GRM5: variants seen among roughly 807,000 people sequenced by gnomAD.
GRM5 encodes the protein glutamate metabotropic receptor 5.
A neutral mutation model predicts 83.1 loss-of-function variants in GRM5; 19 were observed. The observed-to-expected ratio is 0.23, with a 90% CI of 0.16 to 0.34. The LOEUF (loss-of-function observed/expected upper bound fraction) is 0.34. Ranked by LOEUF, GRM5 falls within the 10% of genes least tolerant of loss-of-function variation. The pLI is 1.00. For synonymous variants in GRM5, 675 were observed against 633.6 expected (o/e 1.07, Z -0.98); for missense variants, 1,160 against 1,588.3 (o/e 0.73, Z 4.58).
In GRM5 at chr11:88,509,516, A is replaced by G. The variant is rs1261448171; in HGVS notation, c.2727-12T>C. On this transcript the variant is annotated splice_polypyrimidine_tract_variant and intron_variant, in intron 9 of 9. Transcript: ENST00000305447. ...ATTTTCCATTGGAACTGAGGAGAGA[A>G]GGGAGAGGAAAGGTGACTCAGCGAG... The G allele has an allele frequency of 1.9e-6, 3 of 1,604,560 alleles. No homozygotes were observed. The highest frequency in any genetic ancestry group is 3.4e-5 in the Admixed American group (2 of 59,074).
Position 88,615,985 on chromosome 11 carries a change from T to C in GRM5, c.1148-11021A>G, listed in dbSNP as rs1938469353. Among the ~76,000 whole-genome samples, 3 of 152,286 alleles carry C rather than the reference T, an allele frequency of 2.0e-5. No individual in the cohort carries two copies. The South Asian group carries it at 6.2e-4, about 32-fold the overall frequency. ...GCAGAGCATATAAGAGCACAGATTC[T>C]GGAAGTAGACAGAAGGTTATAATCA... On this transcript the variant is annotated intron_variant, in intron 4 of 9. Coordinates refer to ENST00000305447, the MANE Select transcript of GRM5 (RefSeq NM_001143831.3).
At chr11:89,017,973 T>A (rs1940900670) in intron 2 of GRM5, among the ~76,000 whole-genome samples, 1 of 152,066 alleles carries the variant, frequency 6.6e-6, no homozygotes, top group African/African-American at 2.4e-5. Context: ...CAGTTATATA[T>A]CCACTGCTTG....
intron 2 of GRM5, among the ~76,000 whole-genome samples, chr11:88,946,209 C>G (rs935786583): frequency 1.3e-5 from 2 of 152,006 alleles, no homozygotes; most frequent in Non-Finnish European, 2.9e-5. Context: ...GTTAGAACTG[C>G]TATTATTAAA....
chr11:88,998,514 G>C (rs1940267233), intron 2 of GRM5, among the ~76,000 whole-genome samples: 1 of 152,164 alleles, frequency 6.6e-6, no homozygotes, highest in South Asian at 2.1e-4. Context: ...TTTAGTCTAA[G>C]ATTAGGAACA....
intron 8 of GRM5, among the ~76,000 whole-genome samples, chr11:88,547,161 A>G (rs1036799828): frequency 5.9e-5 from 9 of 152,178 alleles, no homozygotes; most frequent in Non-Finnish European, 8.8e-5. Context: ...GGGAAGTAGA[A>G]AAATTTGTTG....
intron 2 of GRM5, among the ~76,000 whole-genome samples, chr11:88,927,161 TA>T (rs1160273406): frequency 6.6e-6 from 1 of 152,074 alleles, no homozygotes; most frequent in East Asian, 1.9e-4. Flanking sequence ...GCTCAAAAAC[TA>T]AAGGTGAACC....
chr11:88,550,566 C>T (rs1183907707), intron 8 of GRM5, among the ~76,000 whole-genome samples: 3 of 152,072 alleles, frequency 2.0e-5, no homozygotes, highest in Non-Finnish European at 4.4e-5. Flanking sequence ...ATGACCAAAC[C>T]ATATTGTCTT....
In GRM5 at chr11:88,918,817, T is replaced by C. The variant is rs187601584; in HGVS notation, c.662-68662A>G. On this transcript the variant is annotated intron_variant, in intron 2 of 9. Coordinates refer to ENST00000305447, the MANE Select transcript of GRM5 (RefSeq NM_001143831.3). Reference sequence around the variant, plus strand: ...TTTTGCAATCAGAGTTAAGTAGTCATCAATTTAAAGTAATGAGTTATGTTA... The same window carrying C: ...TTTTGCAATCAGAGTTAAGTAGTCACCAATTTAAAGTAATGAGTTATGTTA... Among the ~76,000 whole-genome samples, 392 of 152,060 alleles carry C rather than the reference T, an allele frequency of 2.6e-3. 10 individuals are homozygous for C. In the East Asian group the frequency reaches 0.064, roughly 25 times the overall value.
intron 2 of GRM5, among the ~76,000 whole-genome samples, chr11:88,905,839 A>G (rs1338762037): frequency 2.0e-5 from 3 of 152,180 alleles, no homozygotes. Flanking sequence ...TCTAGAGAAC[A>G]TCAACCCCGG....
intron 3 of GRM5, among the ~76,000 whole-genome samples, chr11:88,716,542 T>C (rs12786188): frequency 6.6e-6 from 1 of 151,918 alleles, no homozygotes; most frequent in African/African-American, 2.4e-5. Context: ...TTGTATTGAC[T>C]GCTTAATGCT....
chr11:88,698,038 A>T (rs191249481), intron 3 of GRM5, among the ~76,000 whole-genome samples: 1 of 152,310 alleles, frequency 6.6e-6, no homozygotes, highest in African/African-American at 2.4e-5. Flanking sequence ...ATCATCTTTC[A>T]TCAGGAAAAC....
At chr11:88,800,430 C>G (rs2135485621) in intron 3 of GRM5, among the ~76,000 whole-genome samples, 1 of 151,670 alleles carries the variant, frequency 6.6e-6, no homozygotes. Context: ...AAAAAACCTT[C>G]TAGATTACTT....
At chr11:88,906,742 G>C (rs1590954700) in intron 2 of GRM5, among the ~76,000 whole-genome samples, 1 of 152,152 alleles carries the variant, frequency 6.6e-6, no homozygotes, top group African/African-American at 2.4e-5. Context: ...CCTTGTGCAA[G>C]TCACTTAATC....
chr11:88,623,327 A>C (rs1565158500), intron 4 of GRM5, among the ~76,000 whole-genome samples: 1 of 151,624 alleles, frequency 6.6e-6, no homozygotes, highest in Non-Finnish European at 1.5e-5. Context: ...TTTAGTAGAG[A>C]CTATGTTGGA....
chr11:88,746,570 C>CA (rs11302390), intron 3 of GRM5, among the ~76,000 whole-genome samples: 6,062 of 147,550 alleles, frequency 0.041, 324 homozygotes, highest in African/African-American at 0.12. Flanking sequence ...ATTCTGGAGA[C>CA]AAAAAAAAAA....
At chr11:88,742,480 C>T (rs1473156781) in intron 3 of GRM5, among the ~76,000 whole-genome samples, 1 of 151,952 alleles carries the variant, frequency 6.6e-6, no homozygotes, top group South Asian at 2.1e-4. Flanking sequence ...AAATTTCTAA[C>T]CTCTTATCCA....
chr11:88,875,496 A>G (rs184763925), intron 2 of GRM5, among the ~76,000 whole-genome samples: 6 of 152,116 alleles, frequency 3.9e-5, no homozygotes, highest in Admixed American at 2.6e-4. Flanking sequence ...AATTCCTGTT[A>G]ATATTGATAT....
At chr11:88,862,316 C>T (rs1333042610) in intron 2 of GRM5, among the ~76,000 whole-genome samples, 1 of 152,126 alleles carries the variant, frequency 6.6e-6, no homozygotes, top group East Asian at 1.9e-4. Flanking sequence ...TTTAGACCTG[C>T]TTCCTACATT....
intron 2 of GRM5, among the ~76,000 whole-genome samples, chr11:88,892,435 T>C (rs1945161780): frequency 6.6e-6 from 1 of 152,002 alleles, no homozygotes; most frequent in African/African-American, 2.4e-5. Flanking sequence ...TAAAAACCCA[T>C]TGCTGAACTT....
Sources: gnomAD v4.1 joint callset for allele counts (sites outside exome capture counted in the v4.1 genomes callset) on GRCh38, gnomAD v4.1.1 for gene constraint, MANE v1.5 for transcripts, NCBI Gene and HGNC (gene_info 2026-07-23, HGNC 2026-07-21) for gene names.